Variants in ZNF536 observed in about 807,000 individuals in gnomAD.
The protein encoded by ZNF536 is zinc finger protein 536.
In ZNF536, 13 loss-of-function variants were observed where a neutral mutation model predicts 84.5. The ratio of observed to expected loss-of-function variants is 0.15; its 90% CI spans 0.10 to 0.24. The LOEUF (loss-of-function observed/expected upper bound fraction) is 0.24, where lower values mean the gene tolerates loss of function less well. Ranked by LOEUF, ZNF536 falls within the 10% of genes least tolerant of loss-of-function variation. ZNF536 has a pLI of 1.00. For missense variants in ZNF536, 1,536 were observed against 1,747.5 expected (o/e 0.88, Z 2.16); for synonymous variants, 811 against 742.5 (o/e 1.09, Z -1.50).
intron 2 of ZNF536, among the ~76,000 whole-genome samples, chr19:30,337,005 T>G (rs1287383696): frequency 6.6e-6 from 1 of 152,000 alleles, no homozygotes; most frequent in Admixed American, 6.6e-5. Flanking sequence ...AAAAGGCAGC[T>G]GGTGGCTTTG....
At chr19:30,277,093 C>T (rs1328484133) in intron 1 of ZNF536, among the ~76,000 whole-genome samples, 1 of 152,080 alleles carries the variant, frequency 6.6e-6, no homozygotes, top group African/African-American at 2.4e-5. Flanking sequence ...ACTCTGGTGT[C>T]TAATGATTGG....
intron 2 of ZNF536, among the ~76,000 whole-genome samples, chr19:30,349,109 AG>A (rs1456756156): frequency 3.3e-5 from 5 of 152,222 alleles, no homozygotes; most frequent in Non-Finnish European, 4.4e-5. Flanking sequence ...TTGATTGTTA[AG>A]ATGGCTTCAG....
At position 30,548,841 on chromosome 19, in the gene ZNF536, T is replaced by G; in HGVS notation, c.3222T>G (p.Ser1074=). 6.2e-7 allele frequency: 1 copy of G among 1,614,140 alleles called. No homozygotes were observed. Among genetic ancestry groups the G allele is most frequent in the Non-Finnish European group, 8.5e-7 (1 of 1,180,034 alleles). ...GLSNMISSLD[S]ASEKMAQGQL... The stretch of plus-strand genomic sequence containing the variant: ...CCAATATGATCAGCTCTCTAGACTC[T>G]GCTTCTGAGAAGATGGCCCAAGGTC... The change falls in exon 4 of 5, where the codon TCT becomes TCG. Residue 1074 remains serine (S), a synonymous_variant. Transcript: ENST00000355537.
chr19:30,365,202 C>A (rs117212364), intron 3 of ZNF536, among the ~76,000 whole-genome samples: 1 of 152,156 alleles, frequency 6.6e-6, no homozygotes, highest in East Asian at 1.9e-4. Flanking sequence ...AAAGGACTTG[C>A]GCCAGCATTT....
At chr19:30,508,149 CT>C (rs1568497239) in intron 2 of ZNF536, among the ~76,000 whole-genome samples, 1 of 152,206 alleles carries the variant, frequency 6.6e-6, no homozygotes, top group Non-Finnish European at 1.5e-5. Context: ...TCGGCTCCCC[CT>C]GCCTCACCAA....
rs75759982 is a variant in ZNF536 at position 30,438,099 on chromosome 19, T to C, written c.-2-5462T>C. 4.6e-4 allele frequency among the ~76,000 whole-genome samples: 70 copies of C among 152,318 alleles called. No individual in the cohort carries two copies. In the East Asian group the frequency reaches 0.011, roughly 25 times the overall value. Reference sequence around the variant, plus strand: ...TCTGCTGGCCCCTGGCTTCCTTTTTTAAAATTTTAGACTCGGGGGTACATG... The same window carrying C: ...TCTGCTGGCCCCTGGCTTCCTTTTTCAAAATTTTAGACTCGGGGGTACATG... On this transcript the variant is annotated intron_variant, in intron 1 of 4. Transcript: ENST00000355537.
intron 2 of ZNF536, among the ~76,000 whole-genome samples, chr19:30,490,939 G>A (rs536259151): frequency 1.1e-4 from 17 of 152,308 alleles, no homozygotes; most frequent in Non-Finnish European, 1.5e-4. Context: ...CTTTAGGGGC[G>A]TTGAGGGTGT....
At chr19:30,632,040 G>A (rs191707105) in intron 1 of ZNF536, among the ~76,000 whole-genome samples, 540 of 152,296 alleles carry the variant, frequency 3.5e-3, no homozygotes, top group South Asian at 6.6e-3. Context: ...GCCCATAGGC[G>A]TTACATTTAG....
intron 3 of ZNF536, among the ~76,000 whole-genome samples, chr19:30,357,377 C>A (rs1392072782): frequency 6.6e-6 from 1 of 152,042 alleles, no homozygotes; most frequent in African/African-American, 2.4e-5. Flanking sequence ...GCCAGCGTGG[C>A]CAGACAGTGA....
chr19:30,500,674 G>A (rs1236590842), intron 2 of ZNF536, among the ~76,000 whole-genome samples: 1 of 150,130 alleles, frequency 6.7e-6, no homozygotes, highest in Non-Finnish European at 1.5e-5. Context: ...ATCTCAGCAG[G>A]AGGCTGTGGG....
rs866460676 is a variant in ZNF536, at chr19:30,365,629, C to T, written c.-3+13145C>T. On this transcript the variant is annotated intron_variant, in intron 3 of 5. Coordinates refer to the ZNF536 transcript ENST00000585628. ...CCAGGTCCCGTGTAGCAAGGACTCC[C>T]GTGGAGGTAACCTTCCCAGGCACTC... Among the ~76,000 whole-genome samples, 5 of 152,184 alleles carry T rather than the reference C, an allele frequency of 3.3e-5. No homozygotes were observed. The South Asian group carries it at 8.3e-4, about 25-fold the overall frequency.
At chr19:30,593,745 G>T (rs900592766) in intron 1 of ZNF536, among the ~76,000 whole-genome samples, 6 of 152,170 alleles carry the variant, frequency 3.9e-5, no homozygotes, top group Non-Finnish European at 8.8e-5. Context: ...CAGGACAAGG[G>T]CTGGTCATTC....
chr19:30,563,149 C>T (rs918122455), intron 1 of ZNF536, among the ~76,000 whole-genome samples: 1 of 152,110 alleles, frequency 6.6e-6, no homozygotes, highest in Admixed American at 6.5e-5. Context: ...CCGCTAAAAC[C>T]CCGCTGAGTG....
chr19:30,642,070 T>G (rs2049286120), intron 1 of ZNF536, among the ~76,000 whole-genome samples: 1 of 152,212 alleles, frequency 6.6e-6, no homozygotes, highest in African/African-American at 2.4e-5. Context: ...TGGGGGCCAT[T>G]GCTGATATGG....
At chr19:30,613,946 T>A (rs2048191392) in intron 1 of ZNF536, among the ~76,000 whole-genome samples, 1 of 152,248 alleles carries the variant, frequency 6.6e-6, no homozygotes, top group Non-Finnish European at 1.5e-5. Context: ...CACTGCAACC[T>A]CCGCCTCCTG....
At chr19:30,656,336 G>T (rs549112881) in intron 1 of ZNF536, among the ~76,000 whole-genome samples, 1 of 152,032 alleles carries the variant, frequency 6.6e-6, no homozygotes, top group African/African-American at 2.4e-5. Flanking sequence ...TGGCAGTGCC[G>T]GACCATTTTC....
chr19:30,426,086 G>A (rs1237789194), intron 1 of ZNF536, among the ~76,000 whole-genome samples: 2 of 152,194 alleles, frequency 1.3e-5, no homozygotes, highest in Non-Finnish European at 2.9e-5. Flanking sequence ...CTCCCCAGAG[G>A]TGGTCTACTT....
intron 2 of ZNF536, among the ~76,000 whole-genome samples, chr19:30,333,939 A>T (rs2047297908): frequency 6.6e-6 from 1 of 152,144 alleles, no homozygotes; most frequent in Non-Finnish European, 1.5e-5. Flanking sequence ...TTAAAAAATC[A>T]CTCTTTTGGT....
At chr19:30,544,362 C>T (rs2045460184) in intron 3 of ZNF536, among the ~76,000 whole-genome samples, 1 of 152,166 alleles carries the variant, frequency 6.6e-6, no homozygotes, top group Non-Finnish European at 1.5e-5. Flanking sequence ...ATGAAGCAGC[C>T]CCTAATTCAC....
Sources: gnomAD v4.1 joint callset for allele counts (sites outside exome capture counted in the v4.1 genomes callset) on GRCh38, gnomAD v4.1.1 for gene constraint, MANE v1.5 for transcripts, NCBI Gene and HGNC (gene_info 2026-07-23, HGNC 2026-07-21) for gene names.